The following WFS1 variants were observed in gnomAD, a reference collection of about 807,000 sequenced individuals.
WFS1 encodes the protein wolframin.
WFS1 carries 90 observed loss-of-function variants against 68.5 expected under a neutral mutation model. The observed-to-expected ratio is 1.31, with a 90% CI of 1.11 to 1.56. The LOEUF (loss-of-function observed/expected upper bound fraction) is 1.56. Among genes scored for constraint, WFS1 ranks in the 40% most tolerant of loss-of-function variants. The pLI is 0.00. For missense variants in WFS1, 1,767 were observed against 1,232.6 expected (o/e 1.43, Z -6.49); for synonymous variants, 860 against 540.7 (o/e 1.59, Z -8.19).
Position 6,277,547 on chromosome 4 carries a change from C to G in WFS1, c.92C>G (p.Ala31Gly), listed in dbSNP as rs550975729. The G allele has an allele frequency of 7.0e-5, 111 of 1,590,016 alleles. No individual in the cohort carries two copies. In the African/African-American group the frequency reaches 1.1e-3, roughly 15 times the overall value. Residue 31 changes from alanine (A) to glycine (G), a missense_variant, in exon 2 of 8, where the codon GCC becomes GGC. By Grantham distance (60) the Ala-to-Gly change is moderately conservative. Coordinates refer to ENST00000226760, the MANE Select transcript of WFS1 (RefSeq NM_006005.3). ...PQARSRLNAT[A>G]SLEQERSERP... ...GCGCGTTCCCGACTCAATGCCACAGCCTCGTTGGAGCAGGAGAGGAGCGAA... is the reference window on the plus strand; with the variant it reads ...GCGCGTTCCCGACTCAATGCCACAGGCTCGTTGGAGCAGGAGAGGAGCGAA...
chr4:6,299,767 C>T (rs1175593225), intron 7 of WFS1, among the ~76,000 whole-genome samples: 1 of 68,142 alleles, frequency 1.5e-5, no homozygotes, highest in African/African-American at 6.7e-5. Context: ...GGGTGGGTTG[C>T]GTGTGTGTGA....
In WFS1 at chr4:6,301,500, G is replaced by A. The variant is rs876658118; in HGVS notation, c.1705G>A (p.Ala569Thr). The stretch of plus-strand genomic sequence containing the variant: ...CATCGGCTACTTCCTCTTCCTCTTT[G>A]CCCTCCCCATCCTGGTGGCCGGCCT... Reference protein sequence around the residue: ...ASIGYFLFLFALPILVAGLAL... With the variant: ...ASIGYFLFLFTLPILVAGLAL... The change falls in exon 8 of 8, where the codon GCC (alanine) becomes ACC (threonine). Residue 569 changes from alanine (A) to threonine (T), a missense_variant. By Grantham distance (58) the Ala-to-Thr change is moderately conservative (BLOSUM62 0). Transcript: ENST00000226760. The A allele has an allele frequency of 3.1e-6, 5 of 1,613,210 alleles. No homozygotes were observed. The highest frequency in any genetic ancestry group is 4.2e-6 in the Non-Finnish European group (5 of 1,179,936).
Position 6,302,438 on chromosome 4 carries a change from C to T in WFS1, c.2643C>T (p.Phe881=). 1 of 1,613,160 alleles carries T rather than the reference C, an allele frequency of 6.2e-7. No individual in the cohort carries two copies. The highest frequency in any genetic ancestry group is 8.5e-7 in the Non-Finnish European group (1 of 1,180,018). ...GCGCCGTGAAGTTCGCCTTCGACTT[C>T]TTTTTCTTCCCATTCCTGTCGGCGG... ...VHGAVKFAFD[F]FFFPFLSAA is the part of the protein sequence containing the mutation. Residue 881 remains phenylalanine, a synonymous_variant, in exon 8 of 8, where the codon TTC becomes TTT. Transcript: ENST00000226760.
At chr4:6,271,629 AC>A (rs1729846075) in intron 1 of WFS1, among the ~76,000 whole-genome samples, 1 of 151,306 alleles carries the variant, frequency 6.6e-6, no homozygotes, top group South Asian at 2.1e-4. Flanking sequence ...AAACCAGACC[AC>A]CCCCTGTGCC....
intron 1 of WFS1, among the ~76,000 whole-genome samples, chr4:6,272,698 C>T (rs1729873476): frequency 6.6e-6 from 1 of 152,350 alleles, no homozygotes; most frequent in Non-Finnish European, 1.5e-5. Context: ...TAAAATGAAA[C>T]CGCGCATAAG....
intron 7 of WFS1, among the ~76,000 whole-genome samples, chr4:6,298,874 G>A (rs913514477): frequency 3.3e-5 from 5 of 152,230 alleles, no homozygotes; most frequent in Non-Finnish European, 5.9e-5. Flanking sequence ...ACCTGCCCCA[G>A]GGGATTTGTG....
chr4:6,288,275 T>G (rs1459638618), intron 3 of WFS1, among the ~76,000 whole-genome samples: 1 of 152,056 alleles, frequency 6.6e-6, no homozygotes, highest in Non-Finnish European at 1.5e-5. Flanking sequence ...ACTTTAAAGT[T>G]CCTCCCACAT....
chr4:6,287,032 A>G lies in WFS1; in HGVS notation c.233-61A>G. The G allele has an allele frequency of 6.8e-7, 1 of 1,468,080 alleles. No individual in the cohort carries two copies. The allele number at this position is 1,468,080 out of a possible 1,614,324, so 90.9% of individuals were successfully genotyped here. ...AAGACCCTCATGCCTTGTCCCCTCCATCCTGACAAGTGACAAAGTCTGGCT... is the reference window on the plus strand; with the variant it reads ...AAGACCCTCATGCCTTGTCCCCTCCGTCCTGACAAGTGACAAAGTCTGGCT... On this transcript the variant is annotated intron_variant, in intron 2 of 7. Transcript: ENST00000226760. The surrounding 1 kb of genome is among the most constrained non-coding windows in gnomAD (Gnocchi z 6.4).
Position 6,302,238 on chromosome 4 carries a change from C to T in WFS1, c.2443C>T (p.Leu815Phe), listed in dbSNP as rs1244355817. ...CAGCAGCGAGTTCAAGAGCGTGCTG[C>T]TCAGCCTGCGCCAGGGCAGCCTCAT... Reference protein sequence around the residue: ...RASSEFKSVLLSLRQGSLIEF... With the variant: ...RASSEFKSVLFSLRQGSLIEF... The change falls in exon 8 of 8, where the codon CTC becomes TTC. Residue 815 changes from leucine to phenylalanine, a missense_variant. Transcript: ENST00000226760. 1.2e-6 allele frequency: 2 copies of T among 1,607,054 alleles called. No homozygotes were observed. Among genetic ancestry groups the T allele is most frequent in the Middle Eastern group, 1.7e-4 (1 of 6,044 alleles).
Position 6,302,375 on chromosome 4 carries a change from C to G in WFS1, c.2580C>G (p.His860Gln), listed in dbSNP as rs754802246. 4 of 1,613,128 alleles carry G rather than the reference C, an allele frequency of 2.5e-6. No individual in the cohort carries two copies. Among genetic ancestry groups the G allele is most frequent in the Non-Finnish European group, 3.4e-6 (4 of 1,179,984 alleles). ...CMAQLSPTRRHVKIEHDWRST... is the reference protein window; with the variant it reads ...CMAQLSPTRRQVKIEHDWRST... ...CCCAGCTCTCACCCACCAGGCGGCA[C>G]GTGAAGATCGAGCACGACTGGCGCA... is the stretch of plus-strand genomic sequence containing the variant. The change falls in exon 8 of 8, where the codon CAC (histidine) becomes CAG (glutamine). Residue 860 changes from histidine (H) to glutamine (Q), a missense_variant. His to Gln is a conservative substitution (Grantham distance 24, BLOSUM62 0). Coordinates refer to ENST00000226760, the MANE Select transcript of WFS1 (RefSeq NM_006005.3).
chr4:6,282,561 G>A (rs191449703), intron 2 of WFS1, among the ~76,000 whole-genome samples: 114 of 152,312 alleles, frequency 7.5e-4, no homozygotes, highest in Middle Eastern at 3.4e-3. Context: ...GCACTCTTAA[G>A]AGCATTTGAC....
At chr4:6,292,037 G>A (rs1370650012) in intron 6 of WFS1, 40 bp downstream of exon 6, 1 of 1,560,286 alleles carries the variant, frequency 6.4e-7, no homozygotes, top group Non-Finnish European at 8.7e-7. Flanking sequence ...ATGCCTCCCA[G>A]CCTGCACCTG....
chr4:6,279,696 G>T (rs147362069), intron 2 of WFS1, among the ~76,000 whole-genome samples: 1 of 152,318 alleles, frequency 6.6e-6, no homozygotes, highest in Admixed American at 6.5e-5. Flanking sequence ...CTCATGTAGC[G>T]CGGGGGACAA....
At chr4:6,281,923 A>C (rs1197216414) in intron 2 of WFS1, among the ~76,000 whole-genome samples, 1 of 152,136 alleles carries the variant, frequency 6.6e-6, no homozygotes, top group Non-Finnish European at 1.5e-5. Context: ...TGCCTGTCCT[A>C]CTTTGCGCTC....
chr4:6,292,875 C>G (rs1730505219), intron 6 of WFS1, among the ~76,000 whole-genome samples: 1 of 152,200 alleles, frequency 6.6e-6, no homozygotes, highest in Admixed American at 6.5e-5. Flanking sequence ...GGGCAGAGTA[C>G]AGGTGGGAGC....
rs1291739271 is a variant in WFS1, at chr4:6,291,954, G to A, written c.669G>A (p.Leu223=). The change falls in exon 6 of 8, where the codon CTG becomes CTA. Residue 223 remains leucine (L), a synonymous_variant. Coordinates refer to ENST00000226760, the MANE Select transcript of WFS1 (RefSeq NM_006005.3). ...GAQPGPVPKS[L]QKQRRMLERL... is the part of the protein sequence containing the mutation. ...AGCCAGGCCCCGTGCCCAAGTCCCT[G>A]CAGAAGCAGAGGCGCATGCTGGAGC... The A allele has an allele frequency of 6.2e-7, 1 of 1,611,294 alleles. No individual in the cohort carries two copies. Among genetic ancestry groups the A allele is most frequent in the Admixed American group, 1.7e-5 (1 of 59,836 alleles).
chr4:6,278,648 C>A (rs1000908701), intron 2 of WFS1, among the ~76,000 whole-genome samples: 12 of 152,222 alleles, frequency 7.9e-5, no homozygotes, highest in African/African-American at 2.4e-4. Flanking sequence ...CCAGTCACCC[C>A]ACTGGCAGGG....
chr4:6,301,770 G>A lies in WFS1; in HGVS notation c.1975G>A (p.Val659Ile), dbSNP rs1055026501. ...FYVYRSEGMK[V>I]YNSTLTWQQY... ...TGTGTACCGCTCAGAGGGCATGAAG[G>A]TCTACAACTCCACACTGACCTGGCA... The change falls in exon 8 of 8, where the codon GTC (valine) becomes ATC (isoleucine). Residue 659 changes from valine to isoleucine, a missense_variant. Physicochemically the swap from Val to Ile is conservative, Grantham distance 29. Coordinates refer to ENST00000226760, the MANE Select transcript of WFS1 (RefSeq NM_006005.3). 1.2e-6 allele frequency: 2 copies of A among 1,613,502 alleles called. No individual in the cohort carries two copies. The highest frequency in any genetic ancestry group is 1.3e-5 in the African/African-American group (1 of 74,940).
At chr4:6,284,325 A>G (rs1479362678) in intron 2 of WFS1, among the ~76,000 whole-genome samples, 1 of 152,184 alleles carries the variant, frequency 6.6e-6, no homozygotes, top group Non-Finnish European at 1.5e-5. Context: ...GCGAGCCGAG[A>G]TTTTGTCATT....
Sources: gnomAD v4.1 joint callset for allele counts (sites outside exome capture counted in the v4.1 genomes callset) on GRCh38, gnomAD v4.1.1 for gene constraint, Gnocchi (gnomAD v3.1) non-coding constraint, MANE v1.5 for transcripts, NCBI Gene and HGNC (gene_info 2026-07-23, HGNC 2026-07-21) for gene names.